Variants in GARIN2 observed in about 807,000 individuals in gnomAD.
GARIN2 encodes golgi associated RAB2 interactor family member 2.
At chr14:67,221,224 T>C in the GARIN2 span, among the ~76,000 whole-genome samples, 3 of 152,244 alleles carry the variant, frequency 2.0e-5, no homozygotes, top group African/African-American at 7.2e-5. Flanking sequence ...AGAAATGTTA[T>C]TAAATGTAAA....
the GARIN2 span, chr14:67,225,156 A>T: frequency 6.3e-7 from 1 of 1,585,672 alleles, no homozygotes; most frequent in Non-Finnish European, 8.6e-7. Flanking sequence ...TAATTTCCTC[A>T]AACTTGTGCC....
At chr14:67,217,645 A>T in the GARIN2 span, among the ~76,000 whole-genome samples, 1 of 152,162 alleles carries the variant, frequency 6.6e-6, no homozygotes, top group African/African-American at 2.4e-5. Flanking sequence ...ATTTCTATAT[A>T]TAAGTCCCTT....
At chr14:67,223,778 C>T in the GARIN2 span, 1 of 985,268 alleles carries the variant, frequency 1.0e-6, no homozygotes, top group South Asian at 4.7e-5. Flanking sequence ...CAGTTTTTCC[C>T]CTGATTAGCA....
At chr14:67,214,908 A>G in the GARIN2 span, among the ~76,000 whole-genome samples, 12 of 151,894 alleles carry the variant, frequency 7.9e-5, no homozygotes, top group African/African-American at 2.9e-4. Flanking sequence ...ATTCCTAGGT[A>G]TTTTATTCCC....
chr14:67,220,647 A>G, the GARIN2 span, among the ~76,000 whole-genome samples: 2 of 152,200 alleles, frequency 1.3e-5, no homozygotes, highest in Non-Finnish European at 2.9e-5. Context: ...ATATCTTGAC[A>G]GTAGTCCTAC....
chr14:67,220,272 C>CAAAAAAG, the GARIN2 span, among the ~76,000 whole-genome samples: 1 of 151,694 alleles, frequency 6.6e-6, no homozygotes, highest in South Asian at 2.1e-4. Flanking sequence ...CCTGTCCCTA[C>CAAAAAAG]AAAAAAGAAA....
chr14:67,198,102 T>C, the GARIN2 span: 1 of 1,562,142 alleles, frequency 6.4e-7, no homozygotes, highest in African/African-American at 1.4e-5. Flanking sequence ...TTAAATTCTC[T>C]CTGTATCCAC....
chr14:67,198,419 G>A, the GARIN2 span: 38 of 1,152,744 alleles, frequency 3.3e-5, no homozygotes, highest in African/African-American at 4.6e-5. Context: ...TAAATGTGCC[G>A]AGGGAATGTG....
the GARIN2 span, among the ~76,000 whole-genome samples, chr14:67,205,914 T>C: frequency 6.6e-6 from 1 of 152,224 alleles, no homozygotes; most frequent in African/African-American, 2.4e-5. Context: ...TCTGGTGCAG[T>C]GGCTCACATC....
At chr14:67,221,821 T>TAAGTTAAGA in the GARIN2 span, 1 of 1,612,506 alleles carries the variant, frequency 6.2e-7, no homozygotes, top group African/African-American at 1.3e-5. Flanking sequence ...TGGAACAAAT[T>TAAGTTAAGA]CCACTACATG....
chr14:67,197,787 C>T, the GARIN2 span, among the ~76,000 whole-genome samples: 7 of 152,206 alleles, frequency 4.6e-5, no homozygotes, highest in Admixed American at 1.3e-4. Flanking sequence ...ATTGAGAGAC[C>T]TCCTAGAGAA....
chr14:67,228,013 G>A, the GARIN2 span, among the ~76,000 whole-genome samples: 1 of 151,780 alleles, frequency 6.6e-6, no homozygotes, highest in Non-Finnish European at 1.5e-5. Flanking sequence ...CTACTAAAAA[G>A]ACAAAAATCA....
At chr14:67,201,537 C>T in the GARIN2 span, 27 of 455,748 alleles carry the variant, frequency 5.9e-5, no homozygotes, top group Non-Finnish European at 8.8e-5. Context: ...CTCTGAGAAA[C>T]GTTTTCCAGG....
At chr14:67,198,231 C>T in the GARIN2 span, 1 of 1,613,958 alleles carries the variant, frequency 6.2e-7, no homozygotes, top group African/African-American at 1.3e-5. Context: ...CCCACACTCC[C>T]ATGATCCGAG....
At chr14:67,198,056 G>A in the GARIN2 span, 26 of 1,409,134 alleles carry the variant, frequency 1.8e-5, no homozygotes, top group Non-Finnish European at 2.4e-5. Flanking sequence ...AAAATTTGCT[G>A]AATTAATAAA....
the GARIN2 span, among the ~76,000 whole-genome samples, chr14:67,212,615 G>A: frequency 0.03 from 4,087 of 135,220 alleles, 79 homozygotes; most frequent in Non-Finnish European, 0.044. Context: ...ATATATATAT[G>A]TAATATATAT....
chr14:67,193,113 T>C, the GARIN2 span, among the ~76,000 whole-genome samples: 84 of 142,154 alleles, frequency 5.9e-4, no homozygotes, highest in African/African-American at 1.9e-3. Context: ...TCTATATAGA[T>C]ATCTCTCTAT....
At chr14:67,220,520 G>T in the GARIN2 span, among the ~76,000 whole-genome samples, 1 of 151,598 alleles carries the variant, frequency 6.6e-6, no homozygotes, top group Admixed American at 6.6e-5. Context: ...AATTTAAATT[G>T]AGCATCTTAA....
the GARIN2 span, among the ~76,000 whole-genome samples, chr14:67,219,020 C>T: frequency 3.3e-5 from 5 of 151,800 alleles, no homozygotes; most frequent in African/African-American, 7.3e-5. Context: ...TGGAGAGATG[C>T]GGTGGCCAGT....
Sources: allele counts gnomAD v4.1 joint callset (sites outside exome capture counted in the v4.1 genomes callset), GRCh38; gene constraint gnomAD v4.1.1; transcripts MANE v1.5; gene names NCBI Gene and HGNC (gene_info 2026-07-23, HGNC 2026-07-21).